The following OXR1 variants were observed in gnomAD, a reference collection of about 807,000 sequenced individuals.
The protein encoded by OXR1 is oxidation resistance protein 1.
Under a neutral mutation model 104.6 loss-of-function variants are expected in OXR1, and 41 were observed. The observed-to-expected ratio is 0.39, with a 90% CI of 0.31 to 0.51. The LOEUF (loss-of-function observed/expected upper bound fraction) is 0.51. Among genes scored for constraint, OXR1 ranks in the 20% least tolerant of loss-of-function variants. The pLI is 0.77. For synonymous variants in OXR1, 348 were observed against 348.4 expected, an observed-to-expected ratio of 1.00 and a Z score of 0.01; for missense variants, 955 against 1,031.9, an observed-to-expected ratio of 0.93 and a Z score of 1.02.
At chr8:106,544,971 GT>G (rs1815240187) in intron 3 of OXR1, among the ~76,000 whole-genome samples, 1 of 152,160 alleles carries the variant, frequency 6.6e-6, no homozygotes, top group African/African-American at 2.4e-5. Context: ...TCTTCTGGAA[GT>G]TTGACATTAG....
chr8:106,653,344 A>G (rs1824780007), intron 3 of OXR1, among the ~76,000 whole-genome samples: 2 of 151,808 alleles, frequency 1.3e-5, no homozygotes, highest in Admixed American at 1.3e-4. Context: ...AATATCTATT[A>G]TGAATATAGA....
At chr8:106,498,677 G>A (rs1186702579) in intron 2 of OXR1, among the ~76,000 whole-genome samples, 1 of 152,130 alleles carries the variant, frequency 6.6e-6, no homozygotes, top group Admixed American at 6.5e-5. Context: ...GTGCTTGTAA[G>A]TGCATGTGTG....
chr8:106,708,910 A>T (rs1389133352), intron 9 of OXR1, among the ~76,000 whole-genome samples: 1 of 152,028 alleles, frequency 6.6e-6, no homozygotes, highest in Non-Finnish European at 1.5e-5. Flanking sequence ...GATTTGGGTC[A>T]GTTTTTAAAA....
At position 106,418,274 on chromosome 8, in the gene OXR1, T is replaced by TAA. The variant is rs200830853; in HGVS notation, c.23+58639_23+58640dup. ...GTAAATGGGCTACTTAATATATATATAATATATGTCTAAAGATAAGCTATA... is the reference window on the plus strand; with the variant it reads ...GTAAATGGGCTACTTAATATATATATAAAATATATGTCTAAAGATAAGCTATA... On this transcript the variant is annotated intron_variant, in intron 2 of 16. Coordinates refer to ENST00000517566, the MANE Select transcript of OXR1 (RefSeq NM_001198533.2). Among the ~76,000 whole-genome samples, 1,038 of 152,196 alleles carry TAA rather than the reference T, an allele frequency of 6.8e-3. 11 individuals carry two copies. Among genetic ancestry groups the TAA allele is most frequent in the African/African-American group, 0.024 (997 of 41,548 alleles).
intron 1 of OXR1, among the ~76,000 whole-genome samples, chr8:106,333,835 C>CA (rs1814839842): frequency 6.6e-6 from 1 of 152,076 alleles, no homozygotes; most frequent in Non-Finnish European, 1.5e-5. Flanking sequence ...TATCCTATGC[C>CA]AATACCACAC....
At chr8:106,730,838 G>A (rs564943978) in intron 11 of OXR1, among the ~76,000 whole-genome samples, 1 of 151,748 alleles carries the variant, frequency 6.6e-6, no homozygotes, top group South Asian at 2.1e-4. Context: ...TGAAGTGGGA[G>A]GAGTTTGCGA....
At position 106,632,426 on chromosome 8, in the gene OXR1, G is replaced by A. The variant is rs537877128; in HGVS notation, c.221-46784G>A. ...CTTATTTCATCTAATTCATTTTTAT[G>A]TTCAGCTTTTAATCAATAATTTCAG... is the stretch of plus-strand genomic sequence containing the variant. On this transcript the variant is annotated intron_variant, in intron 3 of 16. Transcript: ENST00000517566. Among the ~76,000 whole-genome samples, 7 of 152,180 alleles carry A rather than the reference G, an allele frequency of 4.6e-5. 1 individual carries two copies. Among genetic ancestry groups the A allele is most frequent in the African/African-American group, 1.7e-4 (7 of 41,534 alleles).
intron 3 of OXR1, among the ~76,000 whole-genome samples, chr8:106,529,840 G>T (rs2130225525): frequency 6.6e-6 from 1 of 152,228 alleles, no homozygotes; most frequent in East Asian, 1.9e-4. Flanking sequence ...TTTATTTAAT[G>T]ATTTCTAAAC....
intron 3 of OXR1, among the ~76,000 whole-genome samples, chr8:106,568,445 C>A (rs1343835187): frequency 1.3e-5 from 2 of 152,044 alleles, no homozygotes; most frequent in Non-Finnish European, 2.9e-5. Context: ...GAAAAGACTA[C>A]AATTCTGGAG....
intron 1 of OXR1, among the ~76,000 whole-genome samples, chr8:106,352,843 G>A (rs1421533126): frequency 6.6e-6 from 1 of 152,178 alleles, no homozygotes; most frequent in Non-Finnish European, 1.5e-5. Flanking sequence ...GGACAGAAAA[G>A]GGAGAGATAT....
intron 3 of OXR1, among the ~76,000 whole-genome samples, chr8:106,524,853 AATCTCAGATTGT>A (rs1450773551): frequency 6.6e-6 from 1 of 152,158 alleles, no homozygotes; most frequent in Non-Finnish European, 1.5e-5. Flanking sequence ...AAAATGGAGA[AATCTCAGATTGT>A]ATAGATGCTC....
intron 3 of OXR1, among the ~76,000 whole-genome samples, chr8:106,584,794 G>T (rs916706687): frequency 7.9e-5 from 12 of 152,080 alleles, no homozygotes; most frequent in African/African-American, 2.7e-4. Flanking sequence ...CCATAAGGAA[G>T]AAGTGAAGGG....
chr8:106,689,994 C>T (rs945355449), intron 6 of OXR1, among the ~76,000 whole-genome samples: 5 of 151,420 alleles, frequency 3.3e-5, no homozygotes, highest in African/African-American at 1.2e-4. Flanking sequence ...TCTCTTTTCT[C>T]TCTGTGCATA....
At chr8:106,379,417 A>C (rs2130401315) in intron 2 of OXR1, among the ~76,000 whole-genome samples, 1 of 152,308 alleles carries the variant, frequency 6.6e-6, no homozygotes, top group African/African-American at 2.4e-5. Context: ...TAAGCATGTA[A>C]GATCATGCTT....
chr8:106,395,502 T>C (rs1184579330), intron 2 of OXR1, among the ~76,000 whole-genome samples: 1 of 152,114 alleles, frequency 6.6e-6, no homozygotes, highest in African/African-American at 2.4e-5. Context: ...ATGAGACTTA[T>C]TCACTATCAC....
intron 2 of OXR1, among the ~76,000 whole-genome samples, chr8:106,482,939 A>G (rs903829955): frequency 2.0e-5 from 3 of 152,044 alleles, no homozygotes; most frequent in African/African-American, 7.2e-5. Context: ...TTAAGTTACT[A>G]TGAAGATAAA....
chr8:106,644,603 A>G (rs1020044950), intron 3 of OXR1, among the ~76,000 whole-genome samples: 20 of 152,188 alleles, frequency 1.3e-4, no homozygotes, highest in Admixed American at 2.0e-4. Flanking sequence ...TCCTGTGCAC[A>G]TCATATCCTT....
At chr8:106,338,988 C>T (rs1233597117) in intron 1 of OXR1, among the ~76,000 whole-genome samples, 1 of 152,090 alleles carries the variant, frequency 6.6e-6, no homozygotes, top group Non-Finnish European at 1.5e-5. Context: ...GGAATTTACA[C>T]ATATTACATA....
At chr8:106,741,005 T>A (rs1176184011) in intron 14 of OXR1, among the ~76,000 whole-genome samples, 1 of 152,102 alleles carries the variant, frequency 6.6e-6, no homozygotes, top group Non-Finnish European at 1.5e-5. Context: ...AAAACACTGG[T>A]ATTACTAACA....
Sources: gnomAD v4.1 joint callset for allele counts (sites outside exome capture counted in the v4.1 genomes callset) on GRCh38, gnomAD v4.1.1 for gene constraint, MANE v1.5 for transcripts, NCBI Gene and HGNC (gene_info 2026-07-23, HGNC 2026-07-21) for gene names.